The following FRYL variants were observed in gnomAD, a reference collection of about 807,000 sequenced individuals.
The protein encoded by FRYL is protein furry homolog-like.
In FRYL, 150 loss-of-function variants were observed where a neutral mutation model predicts 351.2. That is an observed-to-expected ratio of 0.43 (90% CI 0.37 to 0.49). The LOEUF (loss-of-function observed/expected upper bound fraction) is 0.49. Among genes scored for constraint, FRYL ranks in the 20% least tolerant of loss-of-function variants. FRYL has a pLI of 0.00. For synonymous variants in FRYL, 1,153 were observed against 1,257.1 expected, an observed-to-expected ratio of 0.92 and a Z score of 1.75; for missense variants, 3,036 against 3,619.3, an observed-to-expected ratio of 0.84 and a Z score of 4.13.
intron 37 of FRYL, 30 bp downstream of exon 37, chr4:48,551,464 A>G (rs1383527152): frequency 8.0e-7 from 1 of 1,243,266 alleles, no homozygotes; most frequent in Non-Finnish European, 1.1e-6. Context: ...GTCAAACTGA[A>G]AGGCTAATAC....
At chr4:48,727,980 C>A (rs1202475771) in intron 1 of FRYL, among the ~76,000 whole-genome samples, 1 of 152,146 alleles carries the variant, frequency 6.6e-6, no homozygotes, top group African/African-American at 2.4e-5. Context: ...CACTAAAAGA[C>A]TGAGATCTAA....
chr4:48,749,200 G>C (rs1346311571), intron 1 of FRYL, among the ~76,000 whole-genome samples: 1 of 152,192 alleles, frequency 6.6e-6, no homozygotes, highest in Non-Finnish European at 1.5e-5. Flanking sequence ...CCATACATTT[G>C]AAAGAATCAC....
intron 53 of FRYL, 95 bp from the exon 54 acceptor site, chr4:48,523,199 A>C: frequency 1.3e-6 from 1 of 767,544 alleles, no homozygotes; most frequent in Non-Finnish European, 2.2e-6. Context: ...AAGATGAAAA[A>C]TACTTAATGC....
chr4:48,694,304 CTT>C (rs879346831), intron 2 of FRYL, among the ~76,000 whole-genome samples: 2 of 145,722 alleles, frequency 1.4e-5, no homozygotes, highest in African/African-American at 2.5e-5. Flanking sequence ...ATTTAGAATA[CTT>C]TTTTTTTTTT....
chr4:48,543,727 G>T, intron 44 of FRYL, 80 bp downstream of exon 44: 2 of 1,236,754 alleles, frequency 1.6e-6, no homozygotes, highest in Non-Finnish European at 2.3e-6. Flanking sequence ...TCTTGCTCTA[G>T]CTATAGCAAT....
rs557887965 is a variant in FRYL at position 48,511,030 on chromosome 4, C to G, written c.8146-46G>C. 1.6e-5 allele frequency: 22 copies of G among 1,395,570 alleles called. 1 individual carries two copies. In the South Asian group the frequency reaches 2.6e-4, roughly 17 times the overall value. 86.4% of individuals were successfully genotyped at this position (1,395,570 alleles called of 1,614,324 possible). ...AAGAGTTTAGTGTTTCATAAGAAGG[C>G]CTTTTTTCATCTTTAAGTAAAGAAG... On this transcript the variant is annotated intron_variant, in intron 57 of 63. Coordinates refer to ENST00000358350, the MANE Select transcript of FRYL (RefSeq NM_015030.2).
At chr4:48,700,265 A>T (rs896350691) in intron 2 of FRYL, among the ~76,000 whole-genome samples, 1 of 152,208 alleles carries the variant, frequency 6.6e-6, no homozygotes, top group African/African-American at 2.4e-5. Context: ...TTATATTTGA[A>T]GCTGTAATAC....
intron 11 of FRYL, 114 bp from the exon 12 acceptor site, chr4:48,603,502 C>T (rs569506149): frequency 2.9e-6 from 2 of 694,422 alleles, no homozygotes; most frequent in Admixed American, 5.4e-5. Flanking sequence ...CACTGAGACT[C>T]TCACTGAAGT....
In FRYL at chr4:48,522,931, T is replaced by C. The variant is rs752376123; in HGVS notation, c.7491A>G (p.Thr2497=). Residue 2497 remains threonine (T), a synonymous_variant, in exon 54 of 64, where the codon ACA becomes ACG. Coordinates refer to ENST00000358350, the MANE Select transcript of FRYL (RefSeq NM_015030.2). Reference sequence around the variant, plus strand: ...GTGTGCGTGAGAGTATCTGGCTTGCTGTAAGTGCCGCTTCTTCTTCCGAGG... The same window carrying C: ...GTGTGCGTGAGAGTATCTGGCTTGCCGTAAGTGCCGCTTCTTCTTCCGAGG... The part of the protein sequence containing the change: ...DESSEEEAAL[T]ASQILSRTQM... 26 of 1,613,918 alleles carry C rather than the reference T, an allele frequency of 1.6e-5. No homozygotes were observed. Among genetic ancestry groups the C allele is most frequent in the Non-Finnish European group, 2.0e-5 (24 of 1,179,922 alleles).
chr4:48,540,744 G>T lies in FRYL; in HGVS notation c.5904C>A (p.Asn1968Lys), dbSNP rs1245986750. ...NTLDIMDGRI[N>K]HSSSLARTRS... is the part of the protein sequence containing the mutation. ...TAGTCCTTGCTAAACTACTGCTATGGTTTATCCGTCCATCCATTATATCCA... is the reference window on the plus strand; with the variant it reads ...TAGTCCTTGCTAAACTACTGCTATGTTTTATCCGTCCATCCATTATATCCA... The change falls in exon 46 of 64, where the codon AAC (asparagine) becomes AAA (lysine). Residue 1968 changes from asparagine to lysine, a missense_variant. Transcript: ENST00000358350. 8 of 1,613,964 alleles carry T rather than the reference G, an allele frequency of 5.0e-6. No homozygotes were observed. The highest frequency in any genetic ancestry group is 6.8e-6 in the Non-Finnish European group (8 of 1,179,922).
At chr4:48,527,802 CAT>C in intron 52 of FRYL, 149 bp from the exon 53 acceptor site, 1 of 959,910 alleles carries the variant, frequency 1.0e-6, no homozygotes, top group Non-Finnish European at 1.6e-6. Flanking sequence ...TAGTTGAACA[CAT>C]AGTTAGCATG....
intron 1 of FRYL, among the ~76,000 whole-genome samples, chr4:48,711,503 G>T (rs1388761031): frequency 6.6e-6 from 1 of 152,222 alleles, no homozygotes; most frequent in Non-Finnish European, 1.5e-5. Flanking sequence ...GTGGCAGCGA[G>T]GCTAGGGGAG....
chr4:48,589,097 C>A (rs1175439360), intron 18 of FRYL, among the ~76,000 whole-genome samples: 1 of 152,086 alleles, frequency 6.6e-6, no homozygotes, highest in African/African-American at 2.4e-5. Context: ...TATTCTAAGA[C>A]CTATAATGCA....
In FRYL at chr4:48,553,331, T is replaced by C. The variant is rs1733311258; in HGVS notation, c.4319A>G (p.Glu1440Gly). Residue 1440 changes from glutamate (E) to glycine (G), a missense_variant, in exon 36 of 64, where the codon GAA becomes GGA. This residue lies in a region of FRYL where 1,987 missense variants were observed against 2,311.7 expected (regional missense o/e 0.86). Coordinates refer to ENST00000358350, the MANE Select transcript of FRYL (RefSeq NM_015030.2). ...CAGCTGAAGCTCACTCACCAGCTCTTCTAGCAACTGCATTGTTTTATCTCT... is the reference window on the plus strand; with the variant it reads ...CAGCTGAAGCTCACTCACCAGCTCTCCTAGCAACTGCATTGTTTTATCTCT... ...LGRDKTMQLL[E>G]ELVSELQLTD... 6.2e-7 allele frequency: 1 copy of C among 1,612,786 alleles called. No homozygotes were observed. The highest frequency in any genetic ancestry group is 8.5e-7 in the Non-Finnish European group (1 of 1,179,092).
At position 48,499,264 on chromosome 4, in the gene FRYL, T is replaced by C. The variant is rs1027765824; in HGVS notation, c.*158A>G. ...TTAAAATATCAGATGTTTTTTTCTT[T>C]CAGATCTTTGTTTTTGATGATACAG... is the stretch of plus-strand genomic sequence containing the variant. On this transcript the variant is annotated 3_prime_UTR_variant, in exon 64 of 64. Transcript: ENST00000358350. 4 of 639,250 alleles carry C rather than the reference T, an allele frequency of 6.3e-6. No homozygotes were observed. Among genetic ancestry groups the C allele is most frequent in the Non-Finnish European group, 1.1e-5 (4 of 370,484 alleles). The allele number at this position is 639,250 out of a possible 1,614,324, so 39.6% of individuals were successfully genotyped here.
chr4:48,660,728 T>C (rs1578595054), intron 3 of FRYL, among the ~76,000 whole-genome samples: 1 of 152,198 alleles, frequency 6.6e-6, no homozygotes, highest in East Asian at 1.9e-4. Flanking sequence ...GTCATTTTAA[T>C]ACTACAGACT....
intron 2 of FRYL, among the ~76,000 whole-genome samples, chr4:48,709,894 A>T (rs1198099170): frequency 1.3e-5 from 2 of 152,322 alleles, no homozygotes; most frequent in Non-Finnish European, 2.9e-5. Context: ...TTTCATTCTT[A>T]AACAGTAGGC....
intron 3 of FRYL, among the ~76,000 whole-genome samples, chr4:48,673,029 G>C (rs1231246510): frequency 6.6e-6 from 1 of 152,170 alleles, no homozygotes; most frequent in Non-Finnish European, 1.5e-5. Flanking sequence ...TACATCGTGG[G>C]TTGTCCCTGC....
intron 1 of FRYL, among the ~76,000 whole-genome samples, chr4:48,711,699 T>C (rs984066154): frequency 2.0e-5 from 3 of 152,222 alleles, no homozygotes; most frequent in Non-Finnish European, 2.9e-5. Flanking sequence ...GTCTGACAGC[T>C]TTGAAGAGAG....
Sources: gnomAD v4.1 joint callset for allele counts (sites outside exome capture counted in the v4.1 genomes callset) on GRCh38, gnomAD v4.1.1 for gene constraint, gnomAD v4.1.1 regional missense constraint, MANE v1.5 for transcripts, NCBI Gene and HGNC (gene_info 2026-07-23, HGNC 2026-07-21) for gene names.